CDC25B: variants seen among roughly 807,000 people sequenced by gnomAD.
CDC25B encodes the protein M-phase inducer phosphatase 2.
In CDC25B, 33 loss-of-function variants were observed where a neutral mutation model predicts 69.8. The observed-to-expected ratio is 0.47, with a 90% CI of 0.36 to 0.63. The LOEUF (loss-of-function observed/expected upper bound fraction) is 0.63, where lower values mean the gene tolerates loss of function less well. Ranked by LOEUF, CDC25B falls within the 30% of genes least tolerant of loss-of-function variation. CDC25B has a pLI of 0.00. For synonymous variants in CDC25B, 341 were observed against 314.6 expected (o/e 1.08, Z -0.89); for missense variants, 727 against 809.1 (o/e 0.90, Z 1.23).
At chr20:3,796,148 G>A, upstream of CDC25B, 1 of 1,103,400 alleles carries the variant, frequency 9.1e-7, no homozygotes, top group Non-Finnish European at 1.1e-6. Flanking sequence ...TAATTCCTCC[G>A]GCCCACCCAA....
At chr20:3,804,470 C>T (rs1278624436) in intron 14 of CDC25B, 99 bp from the exon 15 acceptor site, 7 of 747,654 alleles carry the variant, frequency 9.4e-6, no homozygotes, top group Non-Finnish European at 1.4e-5. Flanking sequence ...TTCTGTGGCT[C>T]CCCAAGGCCC....
rs368675680 is a variant in CDC25B, at chr20:3,800,492, T to A, written c.453T>A (p.Ser151=). 9.9e-5 allele frequency: 159 copies of A among 1,614,100 alleles called. No homozygotes were observed. The highest frequency in any genetic ancestry group is 1.6e-4 in the Middle Eastern group (1 of 6,082). Residue 151 remains serine, a synonymous_variant, in exon 5 of 16, where the codon TCT becomes TCA. Coordinates refer to ENST00000245960, the MANE Select transcript of CDC25B (RefSeq NM_021873.4). The part of the protein sequence containing the change: ...NEQFAIRRFQ[S]MPVRLLGHSP... Reference sequence around the variant, plus strand: ...AGTTTGCCATCAGACGCTTCCAGTCTATGCCGGTGAGTGTCTTCGAGGCCT... The same window carrying A: ...AGTTTGCCATCAGACGCTTCCAGTCAATGCCGGTGAGTGTCTTCGAGGCCT...
rs1479263350 is a variant in CDC25B, at chr20:3,801,906, A to T, written c.922-18A>T. On this transcript the variant is annotated intron_variant, in intron 9 of 15. Transcript: ENST00000245960. ...CGGGGCCTGGGCACCCTGATCCCTA[A>T]CCTGCTGTCCCTGCCAGGACCTCGT... 1.2e-6 allele frequency: 2 copies of T among 1,600,882 alleles called. No homozygotes were observed. Among genetic ancestry groups the T allele is most frequent in the Admixed American group, 1.7e-5 (1 of 59,410 alleles).
upstream of CDC25B, among the ~76,000 whole-genome samples, chr20:3,791,462 C>T (rs778104753): frequency 1.2e-4 from 19 of 152,080 alleles, no homozygotes; most frequent in Non-Finnish European, 2.4e-4. Context: ...GCTGGTGGAT[C>T]GCTTAAGCCC....
At chr20:3,793,008 G>T (rs1055858851), upstream of CDC25B, among the ~76,000 whole-genome samples, 2 of 152,154 alleles carry the variant, frequency 1.3e-5, no homozygotes, top group African/African-American at 4.8e-5. Flanking sequence ...ATGCATACTA[G>T]TTTGAAGACT....
intron 10 of CDC25B, 89 bp downstream of exon 10, chr20:3,802,189 C>G (rs2089308609): frequency 1.9e-6 from 3 of 1,549,518 alleles, no homozygotes; most frequent in Admixed American, 1.8e-5. Context: ...AGGTGGCAGC[C>G]TGGGCATGGC....
intron 11 of CDC25B, 96 bp from the exon 12 acceptor site, chr20:3,802,814 G>T: frequency 9.9e-7 from 1 of 1,010,346 alleles, no homozygotes; most frequent in Non-Finnish European, 1.5e-6. Context: ...AGCAGGTGTG[G>T]CCTCTGATTT....
At position 3,798,395 on chromosome 20, in the gene CDC25B, G is replaced by A; in HGVS notation, c.329-17G>A. The A allele has an allele frequency of 1.4e-6, 2 of 1,461,944 alleles. No homozygotes were observed. The highest frequency in any genetic ancestry group is 1.4e-5 in the South Asian group (1 of 69,440). The allele number at this position is 1,461,944 out of a possible 1,614,324, so 90.6% of individuals were successfully genotyped here. A position where few individuals can be genotyped will look rare whatever the true frequency, so the allele number is the denominator to read the frequency against. On this transcript the variant is annotated splice_polypyrimidine_tract_variant and intron_variant, in intron 2 of 15. Transcript: ENST00000245960. Reference sequence around the variant, plus strand: ...AAAGTGCCACTACTTTCAAACCAAGGTGCTCTGTCCCCTCAGGTCTCTGCA... The same window carrying A: ...AAAGTGCCACTACTTTCAAACCAAGATGCTCTGTCCCCTCAGGTCTCTGCA...
chr20:3,802,531 T>C (rs566225060), intron 11 of CDC25B, among the ~76,000 whole-genome samples, 155 bp downstream of exon 11: 1 of 152,242 alleles, frequency 6.6e-6, no homozygotes. Context: ...TCACATAGAC[T>C]CCTCCCTCTG....
rs1396339380 is a variant in CDC25B at position 3,802,374 on chromosome 20, A to G, written c.1192A>G (p.Lys398Glu). ...DHRELIGDYS[K>E]AFLLQTVDGK... ...CCGAGAGCTGATTGGAGATTACTCT[A>G]AGGTACCTGCAGCAGCGAAGGGGGT... Residue 398 changes from lysine (K) to glutamate (E), a missense_variant and splice_region_variant, in exon 11 of 16, where the codon AAG becomes GAG. Around this residue, in one of 2 missense-constraint regions of CDC25B, gnomAD observed 359 missense variants for 463.4 expected, o/e 0.77. Transcript: ENST00000245960. 1 of 1,603,388 alleles carries G rather than the reference A, an allele frequency of 6.2e-7. No individual in the cohort carries two copies. Among genetic ancestry groups the G allele is most frequent in the African/African-American group, 1.3e-5 (1 of 74,800 alleles).
At chr20:3,797,858 C>A in intron 2 of CDC25B, 109 bp downstream of exon 2, 1 of 1,358,926 alleles carries the variant, frequency 7.4e-7, no homozygotes, top group Non-Finnish European at 1.0e-6. Flanking sequence ...TCCCCACAAC[C>A]TGGTGGGCCC....
chr20:3,798,828 T>A (rs1277508156), intron 3 of CDC25B, among the ~76,000 whole-genome samples: 1 of 152,208 alleles, frequency 6.6e-6, no homozygotes. Context: ...AATATTACAA[T>A]TTAAAAATAT....
At position 3,803,457 on chromosome 20, in the gene CDC25B, C is replaced by G. The variant is rs778137288; in HGVS notation, c.1410C>G (p.Ser470Arg). The G allele has an allele frequency of 7.0e-5, 113 of 1,613,968 alleles. No individual in the cohort carries two copies. Among genetic ancestry groups the G allele is most frequent in the South Asian group, 5.4e-4 (49 of 91,088 alleles). ...ACGCCGAGAGCTTCCTACTGAAGAG[C>G]CCCATCGCGCCCTGTAGCCTGGACA... Reference protein sequence around the residue: ...ERDAESFLLKSPIAPCSLDKR... With the variant: ...ERDAESFLLKRPIAPCSLDKR... The change falls in exon 14 of 16, where the codon AGC becomes AGG. Residue 470 changes from serine (S) to arginine (R), a missense_variant. By Grantham distance (110) the Ser-to-Arg change is moderately radical. Transcript: ENST00000245960. This position sits in a 1 kb window ranked among gnomAD's most constrained non-coding sequence, Gnocchi z 4.9.
rs2089349702 is a variant in CDC25B at position 3,803,216 on chromosome 20, G to A, written c.1356+10G>A. 1 of 1,604,704 alleles carries A rather than the reference G, an allele frequency of 6.2e-7. No homozygotes were observed. Among genetic ancestry groups the A allele is most frequent in the Non-Finnish European group, 8.5e-7 (1 of 1,171,952 alleles). ...AGGCGGGCACATCAAGGTAAGATGG[G>A]GCAATGGGGAGAGGCCCTGAAGATC... is the stretch of plus-strand genomic sequence containing the variant. On this transcript the variant is annotated intron_variant, in intron 13 of 15. Transcript: ENST00000245960. The surrounding 1 kb of genome is among the most constrained non-coding windows in gnomAD (Gnocchi z 4.9).
chr20:3,795,886 A>G (rs2089018019), upstream of CDC25B: 1 of 985,466 alleles, frequency 1.0e-6, no homozygotes, highest in Non-Finnish European at 1.2e-6. Flanking sequence ...CCAGGTCTGT[A>G]AAATGGGGTG....
chr20:3,805,964 A>T lies in CDC25B; in HGVS notation c.*1003A>T. The T allele has an allele frequency of 2.5e-6, 1 of 401,188 alleles. No homozygotes were observed. The allele number at this position is 401,188 out of a possible 1,614,324, so 24.9% of individuals were successfully genotyped here. ...ATATTTACACTTAGGGTTTGGAGCT[A>T]TTCAAGAGGAAATGTCACAGAAGCA... On this transcript the variant is annotated 3_prime_UTR_variant, in exon 16 of 16. Coordinates refer to ENST00000245960, the MANE Select transcript of CDC25B (RefSeq NM_021873.4).
chr20:3,799,150 T>C (rs2089172421), intron 3 of CDC25B, among the ~76,000 whole-genome samples: 1 of 152,232 alleles, frequency 6.6e-6, no homozygotes, highest in Admixed American at 6.5e-5. Flanking sequence ...ATCTCTGGCC[T>C]GTGCTGGGGA....
Position 3,796,592 on chromosome 20 carries a change from G to T in CDC25B, c.61G>T (p.Gly21Cys). The T allele has an allele frequency of 6.9e-7, 1 of 1,444,100 alleles. No homozygotes were observed. 89.5% of individuals were successfully genotyped at this position (1,444,100 alleles called of 1,614,324 possible). A position where few individuals can be genotyped will look rare whatever the true frequency, so the allele number is the denominator to read the frequency against. ...GSALSPAGVC[G>C]GAQRPGHLPG... ...GGCTCTCAGTCCAGCAGGCGTGTGCGGTGGCGCCCAGCGTCCGGGCCACCT... is the reference window on the plus strand; with the variant it reads ...GGCTCTCAGTCCAGCAGGCGTGTGCTGTGGCGCCCAGCGTCCGGGCCACCT... The change falls in exon 1 of 16, where the codon GGT becomes TGT. Residue 21 changes from glycine to cysteine, a missense_variant. Around this residue, in one of 2 missense-constraint regions of CDC25B, gnomAD observed 368 missense variants for 345.6 expected, o/e 1.06. Coordinates refer to ENST00000245960, the MANE Select transcript of CDC25B (RefSeq NM_021873.4).
At chr20:3,801,465 G>T in intron 8 of CDC25B, 77 bp downstream of exon 8, 1 of 1,485,332 alleles carries the variant, frequency 6.7e-7, no homozygotes, top group Non-Finnish European at 9.1e-7. Context: ...CTGAGCCCTT[G>T]TGGCAGGACC....
Sources: allele counts gnomAD v4.1 joint callset (sites outside exome capture counted in the v4.1 genomes callset), GRCh38; gene constraint gnomAD v4.1.1; regional missense constraint gnomAD v4.1.1; non-coding constraint Gnocchi (gnomAD v3.1); transcripts MANE v1.5; gene names NCBI Gene and HGNC (gene_info 2026-07-23, HGNC 2026-07-21).